The following KCNH8 variants were observed in gnomAD, a reference collection of about 807,000 sequenced individuals.
KCNH8 encodes voltage-gated delayed rectifier potassium channel KCNH8.
Under a neutral mutation model 103.6 loss-of-function variants are expected in KCNH8, and 70 were observed. That is an observed-to-expected ratio of 0.68 (90% CI 0.56 to 0.82). KCNH8 has a LOEUF of 0.82. Ranked by LOEUF, KCNH8 falls within the 40% of genes least tolerant of loss-of-function variation. The pLI is 0.00. For missense variants in KCNH8, 1,217 were observed against 1,329.9 expected, an observed-to-expected ratio of 0.92 and a Z score of 1.32; for synonymous variants, 498 against 489.4, an observed-to-expected ratio of 1.02 and a Z score of -0.23.
chr3:19,247,002 A>AGTTCT (rs1487531663), intron 1 of KCNH8, among the ~76,000 whole-genome samples: 1 of 152,186 alleles, frequency 6.6e-6, no homozygotes, highest in Non-Finnish European at 1.5e-5. Context: ...CCTCAGCACT[A>AGTTCT]GAGTTCCAGC....
intron 15 of KCNH8, among the ~76,000 whole-genome samples, chr3:19,526,839 C>A: frequency 6.6e-6 from 1 of 151,892 alleles, no homozygotes; most frequent in African/African-American, 2.4e-5. Context: ...TTGAAAATAA[C>A]AAAAAGTCAT....
At chr3:19,301,688 G>T (rs2065066501) in intron 3 of KCNH8, among the ~76,000 whole-genome samples, 1 of 152,048 alleles carries the variant, frequency 6.6e-6, no homozygotes, top group South Asian at 2.1e-4. Flanking sequence ...GACCCCACAG[G>T]TTAAGGGCTT....
intron 1 of KCNH8, among the ~76,000 whole-genome samples, chr3:19,213,129 A>G (rs1267941521): frequency 6.6e-6 from 1 of 152,146 alleles, no homozygotes; most frequent in Non-Finnish European, 1.5e-5. Context: ...AGCATCCTTT[A>G]CTGATGTTAA....
intron 5 of KCNH8, among the ~76,000 whole-genome samples, chr3:19,380,870 T>C (rs2066279181): frequency 6.6e-6 from 1 of 152,194 alleles, no homozygotes; most frequent in Non-Finnish European, 1.5e-5. Flanking sequence ...CAAGTAGAAA[T>C]AAAATTCTAG....
intron 1 of KCNH8, among the ~76,000 whole-genome samples, chr3:19,186,303 A>G (rs1484475834): frequency 1.3e-5 from 2 of 150,608 alleles, no homozygotes; most frequent in African/African-American, 4.9e-5. Flanking sequence ...AAAAAAAAAA[A>G]GAAAAAAAAT....
intron 1 of KCNH8, among the ~76,000 whole-genome samples, chr3:19,162,867 A>C (rs940209561): frequency 2.6e-5 from 4 of 152,222 alleles, no homozygotes; most frequent in African/African-American, 9.6e-5. Flanking sequence ...TATAAAAAGT[A>C]TATAATTCAG....
intron 1 of KCNH8, among the ~76,000 whole-genome samples, chr3:19,151,570 G>A (rs1383961527): frequency 1.3e-5 from 2 of 151,892 alleles, no homozygotes; most frequent in Non-Finnish European, 2.9e-5. Flanking sequence ...ATAAAACAAT[G>A]TAAGACATCA....
chr3:19,162,992 C>G (rs1485168964), intron 1 of KCNH8, among the ~76,000 whole-genome samples: 1 of 151,740 alleles, frequency 6.6e-6, no homozygotes, highest in Non-Finnish European at 1.5e-5. Context: ...AATATTTTTT[C>G]AATTAAAATT....
intron 12 of KCNH8, 66 bp downstream of exon 12, chr3:19,510,467 T>G (rs559937507): frequency 2.0e-6 from 2 of 980,596 alleles, no homozygotes; most frequent in African/African-American, 1.6e-5. Context: ...AAATCTGTCT[T>G]GTCTTTCTCT....
intron 1 of KCNH8, among the ~76,000 whole-genome samples, chr3:19,204,441 TG>T (rs1181549759): frequency 6.6e-6 from 1 of 150,936 alleles, no homozygotes; most frequent in Non-Finnish European, 1.5e-5. Context: ...AGAGAGAGAG[TG>T]TCTGTGTGTG....
At chr3:19,217,107 C>T (rs74847378) in intron 1 of KCNH8, among the ~76,000 whole-genome samples, 216 of 152,302 alleles carry the variant, frequency 1.4e-3, no homozygotes, top group African/African-American at 4.9e-3. Context: ...GAAGTCTGAG[C>T]GCAGTCCCTT....
intron 3 of KCNH8, among the ~76,000 whole-genome samples, chr3:19,330,418 T>G (rs187401487): frequency 2.6e-5 from 4 of 152,350 alleles, no homozygotes; most frequent in African/African-American, 9.6e-5. Context: ...TCATATGAGC[T>G]TGATGTCTCA....
At chr3:19,448,144 A>G (rs912527953) in intron 8 of KCNH8, among the ~76,000 whole-genome samples, 2 of 152,008 alleles carry the variant, frequency 1.3e-5, no homozygotes, top group Non-Finnish European at 2.9e-5. Context: ...TTTGATACAT[A>G]TACTAGGCAC....
At chr3:19,531,661 G>A (rs2069163488) in intron 15 of KCNH8, among the ~76,000 whole-genome samples, 1 of 152,212 alleles carries the variant, frequency 6.6e-6, no homozygotes, top group Admixed American at 6.5e-5. Flanking sequence ...ACTTTGAGCA[G>A]TGTCACCTCC....
intron 1 of KCNH8, among the ~76,000 whole-genome samples, chr3:19,236,388 C>T (rs976742101): frequency 6.6e-6 from 1 of 152,248 alleles, no homozygotes; most frequent in East Asian, 1.9e-4. Flanking sequence ...CTTACGTCAT[C>T]GTGTACTGCC....
intron 11 of KCNH8, among the ~76,000 whole-genome samples, chr3:19,472,023 A>T (rs527470895): frequency 1.6e-3 from 241 of 152,320 alleles, no homozygotes; most frequent in Middle Eastern, 6.8e-3. Context: ...TTTTTTAAAA[A>T]TGAATTATAA....
At chr3:19,223,925 T>C (rs1189211664) in intron 1 of KCNH8, among the ~76,000 whole-genome samples, 1 of 152,166 alleles carries the variant, frequency 6.6e-6, no homozygotes, top group Admixed American at 6.5e-5. Context: ...AAAAAGGTAT[T>C]CAATGTCAGG....
chr3:19,450,239 C>G lies in KCNH8; in HGVS notation c.1509C>G (p.Leu503=), dbSNP rs773967900. Residue 503 remains leucine, a synonymous_variant, in exon 9 of 16, where the codon CTC becomes CTG. Transcript: ENST00000328405. ...GTGTCCATCACTTGCCCCAACAACT[C>G]AAGCAGAGGATGCTCGAATATTTTC... The part of the protein sequence containing the change: ...FIRVHHLPQQ[L]KQRMLEYFQT... 3 of 1,613,522 alleles carry G rather than the reference C, an allele frequency of 1.9e-6. No homozygotes were observed. Among genetic ancestry groups the G allele is most frequent in the Non-Finnish European group, 2.5e-6 (3 of 1,179,778 alleles).
chr3:19,320,184 TC>T (rs903885225), intron 3 of KCNH8, among the ~76,000 whole-genome samples: 5 of 152,050 alleles, frequency 3.3e-5, no homozygotes, highest in African/African-American at 9.6e-5. Context: ...GGCTGGGACT[TC>T]CAGTACTATG....
Sources: gnomAD v4.1 joint callset for allele counts (sites outside exome capture counted in the v4.1 genomes callset) on GRCh38, gnomAD v4.1.1 for gene constraint, MANE v1.5 for transcripts, NCBI Gene and HGNC (gene_info 2026-07-23, HGNC 2026-07-21) for gene names.